The following CSNK1G1 variants were observed in gnomAD, a reference collection of about 807,000 sequenced individuals.
The protein encoded by CSNK1G1 is casein kinase 1 gamma 1, also known as casein kinase I isoform gamma-1.
Under a neutral mutation model 59.6 loss-of-function variants are expected in CSNK1G1, and 22 were observed. The observed-to-expected ratio is 0.37, with a 90% CI of 0.26 to 0.53. The LOEUF (loss-of-function observed/expected upper bound fraction) is 0.53, where lower values mean the gene tolerates loss of function less well. Ranked by LOEUF, CSNK1G1 falls within the 20% of genes least tolerant of loss-of-function variation. CSNK1G1 has a pLI of 0.89. For synonymous variants in CSNK1G1, 179 were observed against 177.1 expected (o/e 1.01, Z -0.08); for missense variants, 384 against 519.5 (o/e 0.74, Z 2.54).
intron 4 of CSNK1G1, among the ~76,000 whole-genome samples, chr15:64,217,714 G>A (rs537549383): frequency 6.6e-6 from 1 of 151,950 alleles, no homozygotes; most frequent in East Asian, 1.9e-4. Flanking sequence ...TACTCAGGAG[G>A]CTGAGACAGG....
At chr15:64,333,368 G>A (rs1897217929) in intron 1 of CSNK1G1, among the ~76,000 whole-genome samples, 1 of 144,786 alleles carries the variant, frequency 6.9e-6, no homozygotes, top group East Asian at 2.0e-4. Context: ...GGGAGGCTGA[G>A]GTGGGAGGAT....
intron 4 of CSNK1G1, among the ~76,000 whole-genome samples, chr15:64,248,178 A>T (rs1323775088): frequency 6.6e-6 from 1 of 152,200 alleles, no homozygotes; most frequent in Admixed American, 6.5e-5. Flanking sequence ...ACTACCAATG[A>T]GTCATACTTG....
intron 1 of CSNK1G1, among the ~76,000 whole-genome samples, chr15:64,313,483 A>G (rs1349200380): frequency 6.6e-6 from 1 of 152,216 alleles, no homozygotes; most frequent in South Asian, 2.1e-4. Context: ...CATCATTCTC[A>G]GCAAACTAAC....
At chr15:64,273,777 A>C (rs1386028017) in intron 2 of CSNK1G1, among the ~76,000 whole-genome samples, 1 of 152,074 alleles carries the variant, frequency 6.6e-6, no homozygotes, top group African/African-American at 2.4e-5. Flanking sequence ...GAGAGTTTGC[A>C]ATTTTGTGTT....
Position 64,213,917 on chromosome 15 carries a change from T to A in CSNK1G1, c.652A>T (p.Met218Leu). 6.2e-7 allele frequency: 1 copy of A among 1,613,916 alleles called. No individual in the cohort carries two copies. Among genetic ancestry groups the A allele is most frequent in the Non-Finnish European group, 8.5e-7 (1 of 1,179,780 alleles). ...HKSLTGTARY[M>L]SINTHLGKEQ... is the part of the protein sequence containing the mutation. ...TTGCCAAGATGCGTGTTGATAGACATATATCTTGCAGTTCCAGTTAAACTT... is the reference window on the plus strand; with the variant it reads ...TTGCCAAGATGCGTGTTGATAGACAAATATCTTGCAGTTCCAGTTAAACTT... The change falls in exon 6 of 12, where the codon ATG (methionine) becomes TTG (leucine). Residue 218 changes from methionine to leucine, a missense_variant. This residue lies in a region of CSNK1G1 where 325 missense variants were observed against 440.9 expected (regional missense o/e 0.74). Coordinates refer to ENST00000303052, the MANE Select transcript of CSNK1G1 (RefSeq NM_022048.5).
chr15:64,201,271 C>CAAAAAAAA (rs545719275), intron 10 of CSNK1G1, among the ~76,000 whole-genome samples: 1 of 64,996 alleles, frequency 1.5e-5, no homozygotes, highest in African/African-American at 4.9e-5. Context: ...GACACTGTCT[C>CAAAAAAAA]AAAAAAAAAA....
chr15:64,204,611 G>A (rs764087458), intron 8 of CSNK1G1, 22 bp from the exon 9 acceptor site: 1 of 1,609,188 alleles, frequency 6.2e-7, no homozygotes, highest in African/African-American at 1.3e-5. Context: ...GAGATGAAAG[G>A]CCCTGCTCAT....
intron 4 of CSNK1G1, among the ~76,000 whole-genome samples, chr15:64,250,971 T>C (rs1283782955): frequency 6.6e-6 from 1 of 152,200 alleles, no homozygotes; most frequent in Non-Finnish European, 1.5e-5. Context: ...TTAGAGCTTT[T>C]TGGTAAAAAC....
At chr15:64,185,001 C>G (rs1704029746) in intron 10 of CSNK1G1, among the ~76,000 whole-genome samples, 1 of 152,196 alleles carries the variant, frequency 6.6e-6, no homozygotes, top group Non-Finnish European at 1.5e-5. Flanking sequence ...TGGTCCTGAA[C>G]ATTTCTAAAA....
rs1393016750 is a variant in CSNK1G1 at position 64,220,370 on chromosome 15, T to C, written c.293-3657A>G. Among the ~76,000 whole-genome samples the C allele has an allele frequency of 6.6e-5, 10 of 151,852 alleles. No individual in the cohort carries two copies. In the East Asian group the frequency reaches 1.8e-3, roughly 27 times the overall value. ...TCAGCCTCCCAAAGTGCTGGTATTA[T>C]AGGCATGAGCCACCATGCCTGGCCC... On this transcript the variant is annotated intron_variant, in intron 4 of 11. Transcript: ENST00000303052.
intron 2 of CSNK1G1, among the ~76,000 whole-genome samples, chr15:64,262,169 C>T (rs1892729979): frequency 6.6e-6 from 1 of 152,136 alleles, no homozygotes; most frequent in Admixed American, 6.5e-5. Flanking sequence ...ACACAGATAC[C>T]AGACATCTAA....
Position 64,236,017 on chromosome 15 carries a change from C to T in CSNK1G1, c.292+15495G>A, listed in dbSNP as rs553346363. ...ATTAGCCTGGGTGTGGTGGCACATGCCTGTAATAACAACTACTCGGGAGGC... is the reference window on the plus strand; with the variant it reads ...ATTAGCCTGGGTGTGGTGGCACATGTCTGTAATAACAACTACTCGGGAGGC... On this transcript the variant is annotated intron_variant, in intron 4 of 11. Coordinates refer to ENST00000303052, the MANE Select transcript of CSNK1G1 (RefSeq NM_022048.5). Among the ~76,000 whole-genome samples, 35 of 151,814 alleles carry T rather than the reference C, an allele frequency of 2.3e-4. No homozygotes were observed. In the South Asian group the frequency reaches 7.1e-3, roughly 31 times the overall value.
At chr15:64,314,073 C>A (rs547101012) in intron 1 of CSNK1G1, among the ~76,000 whole-genome samples, 1 of 152,164 alleles carries the variant, frequency 6.6e-6, no homozygotes, top group African/African-American at 2.4e-5. Flanking sequence ...ATCTGCTAAA[C>A]TAAGGATTAC....
chr15:64,277,912 A>G (rs1893823295), intron 2 of CSNK1G1, among the ~76,000 whole-genome samples: 1 of 143,270 alleles, frequency 7.0e-6, no homozygotes, highest in Non-Finnish European at 1.5e-5. Context: ...TGATATATTT[A>G]ATAATAATAT....
Position 64,300,472 on chromosome 15 carries a change from C to T in CSNK1G1, c.28G>A (p.Glu10Lys). ...ATGGGTTTAGTTGTCCGTTGTCTTT[C>T]ATCCTTTTCCCTACTAGGATGGTCC... MDHPSREKD[E>K]RQRTTKPMAQ... is the part of the protein sequence containing the mutation. The change falls in exon 2 of 12, where the codon GAA (glutamate) becomes AAA (lysine). Residue 10 changes from glutamate to lysine, a missense_variant. Glu to Lys is a moderately conservative substitution (Grantham distance 56). Transcript: ENST00000303052. 1 of 1,614,180 alleles carries T rather than the reference C, an allele frequency of 6.2e-7. No homozygotes were observed. Among genetic ancestry groups the T allele is most frequent in the Non-Finnish European group, 8.5e-7 (1 of 1,180,022 alleles).
chr15:64,214,002 T>C lies in CSNK1G1; in HGVS notation c.567A>G (p.Gly189=). 4.3e-6 allele frequency: 7 copies of C among 1,614,130 alleles called. No individual in the cohort carries two copies. Among genetic ancestry groups the C allele is most frequent in the Non-Finnish European group, 5.9e-6 (7 of 1,179,998 alleles). ...CGGGGTCAATGTATTCCTTGGCCAGTCCAAAGTCTATAATGTGTATAACAT... is the reference window on the plus strand; with the variant it reads ...CGGGGTCAATGTATTCCTTGGCCAGCCCAAAGTCTATAATGTGTATAACAT... ...KEHVIHIIDF[G]LAKEYIDPET... The change falls in exon 6 of 12, where the codon GGA becomes GGG. Residue 189 remains glycine (G), a synonymous_variant. Coordinates refer to ENST00000303052, the MANE Select transcript of CSNK1G1 (RefSeq NM_022048.5). The surrounding 1 kb of genome is among the most constrained non-coding windows in gnomAD (Gnocchi z 4.3).
chr15:64,249,016 G>A (rs1013066409), intron 4 of CSNK1G1, among the ~76,000 whole-genome samples: 3 of 152,178 alleles, frequency 2.0e-5, no homozygotes, highest in Non-Finnish European at 4.4e-5. Context: ...CCAGCTACTC[G>A]GGAGGCTGAG....
At chr15:64,253,808 G>A (rs144219418) in intron 3 of CSNK1G1, among the ~76,000 whole-genome samples, 82 of 152,294 alleles carry the variant, frequency 5.4e-4, no homozygotes, top group Middle Eastern at 6.8e-3. Context: ...AAATAAGCCA[G>A]TTACAACGGA....
chr15:64,246,106 C>G (rs1891738708), intron 4 of CSNK1G1, among the ~76,000 whole-genome samples: 1 of 152,096 alleles, frequency 6.6e-6, no homozygotes, highest in African/African-American at 2.4e-5. Flanking sequence ...GTTCCCAACA[C>G]AAAGAAATGG....
Sources: allele counts gnomAD v4.1 joint callset (sites outside exome capture counted in the v4.1 genomes callset), GRCh38; gene constraint gnomAD v4.1.1; regional missense constraint gnomAD v4.1.1; non-coding constraint Gnocchi (gnomAD v3.1); transcripts MANE v1.5; gene names NCBI Gene and HGNC (gene_info 2026-07-23, HGNC 2026-07-21).